The following CDH12 variants were observed in gnomAD, a reference collection of about 807,000 sequenced individuals.
CDH12 encodes the protein cadherin-12.
In CDH12, 41 loss-of-function variants were observed where a neutral mutation model predicts 74.1. That is an observed-to-expected ratio of 0.55 (90% CI 0.43 to 0.72). The LOEUF (loss-of-function observed/expected upper bound fraction) is 0.72. Among genes scored for constraint, CDH12 ranks in the 30% least tolerant of loss-of-function variants. CDH12 has a pLI of 0.00. For missense variants in CDH12, 945 were observed against 977.2 expected (o/e 0.97, Z 0.44); for synonymous variants, 399 against 355.0 (o/e 1.12, Z -1.39).
At chr5:22,632,704 G>A (rs1365568693) in intron 1 of CDH12, among the ~76,000 whole-genome samples, 5 of 152,048 alleles carry the variant, frequency 3.3e-5, no homozygotes, top group South Asian at 2.1e-4. Context: ...ACTAACAAAC[G>A]CATAATAGGA....
chr5:22,558,352 A>C (rs1675810420), intron 1 of CDH12, among the ~76,000 whole-genome samples: 1 of 152,148 alleles, frequency 6.6e-6, no homozygotes, highest in Non-Finnish European at 1.5e-5. Flanking sequence ...AAAAGGAAGA[A>C]GAGGTTGTTG....
At chr5:22,728,032 T>G (rs895017148) in intron 1 of CDH12, among the ~76,000 whole-genome samples, 1 of 151,820 alleles carries the variant, frequency 6.6e-6, no homozygotes, top group Non-Finnish European at 1.5e-5. Context: ...ACTTCACCAT[T>G]TGTTATCTTA....
At chr5:22,743,597 A>G (rs1745143888) in intron 1 of CDH12, among the ~76,000 whole-genome samples, 2 of 152,272 alleles carry the variant, frequency 1.3e-5, no homozygotes, top group African/African-American at 4.8e-5. Flanking sequence ...ACTAAAGGTC[A>G]TTATACATGA....
At chr5:22,805,248 A>G (rs1748722444) in intron 1 of CDH12, among the ~76,000 whole-genome samples, 1 of 152,122 alleles carries the variant, frequency 6.6e-6, no homozygotes, top group Admixed American at 6.5e-5. Flanking sequence ...AAATACTTAC[A>G]TACTTATGTA....
chr5:22,093,078 G>A (rs998329454), intron 4 of CDH12, among the ~76,000 whole-genome samples: 18 of 152,088 alleles, frequency 1.2e-4, no homozygotes, highest in African/African-American at 3.9e-4. Flanking sequence ...GGTTCAGAGA[G>A]GTGGTTTACA....
At chr5:22,187,811 T>C (rs529353349) in intron 4 of CDH12, among the ~76,000 whole-genome samples, 3 of 152,262 alleles carry the variant, frequency 2.0e-5, no homozygotes, top group East Asian at 1.9e-4. Flanking sequence ...CCCACTTGAA[T>C]TGGTAAGTTG....
intron 1 of CDH12, among the ~76,000 whole-genome samples, chr5:22,725,069 T>A (rs1035456894): frequency 2.0e-5 from 3 of 151,794 alleles, no homozygotes; most frequent in Non-Finnish European, 4.4e-5. Context: ...AACTTTCATG[T>A]TTATTTCTAT....
intron 3 of CDH12, among the ~76,000 whole-genome samples, chr5:22,318,457 T>C (rs2150435038): frequency 6.6e-6 from 1 of 152,344 alleles, no homozygotes; most frequent in East Asian, 1.9e-4. Context: ...TCATGTGAAA[T>C]GTGCAGGGGG....
At chr5:22,169,926 T>C (rs1334001430) in intron 4 of CDH12, among the ~76,000 whole-genome samples, 1 of 151,948 alleles carries the variant, frequency 6.6e-6, no homozygotes, top group Non-Finnish European at 1.5e-5. Context: ...TGTTAATATA[T>C]GTCTTCCATA....
At chr5:21,875,757 C>T (rs2150025025) in intron 6 of CDH12, among the ~76,000 whole-genome samples, 1 of 152,224 alleles carries the variant, frequency 6.6e-6, no homozygotes, top group Admixed American at 6.5e-5. Flanking sequence ...CTTGCTTTCC[C>T]CTGAGCCTAG....
At chr5:22,154,435 GAA>G (rs775832334) in intron 4 of CDH12, among the ~76,000 whole-genome samples, 138,364 of 145,474 alleles carry the variant, frequency 0.95, 66,734 homozygotes, top group Middle Eastern at 0.97. Flanking sequence ...CATATATAGT[GAA>G]TATATACACA....
rs1245936826 is a variant in CDH12, at chr5:22,750,940, A to G, written c.-523+102118T>C. ...GTGAAAAAAAAAAAAGGTAGGGGAT[A>G]GGAAGGTAGGGAGAGAAAAAATGAG... is the stretch of plus-strand genomic sequence containing the variant. On this transcript the variant is annotated intron_variant, in intron 1 of 14. Transcript: ENST00000382254. 2.0e-5 allele frequency among the ~76,000 whole-genome samples: 3 copies of G among 151,638 alleles called. No individual in the cohort carries two copies. In the East Asian group the frequency reaches 5.8e-4, roughly 29 times the overall value.
chr5:22,220,956 T>C (rs1419506696), intron 3 of CDH12, among the ~76,000 whole-genome samples: 1 of 151,574 alleles, frequency 6.6e-6, no homozygotes, highest in Non-Finnish European at 1.5e-5. Context: ...ATCTACTGTG[T>C]AGAGTTATGG....
intron 2 of CDH12, among the ~76,000 whole-genome samples, chr5:22,466,928 AC>A (rs1745755625): frequency 6.6e-6 from 1 of 151,702 alleles, no homozygotes; most frequent in Non-Finnish European, 1.5e-5. Context: ...AGCTGGGACT[AC>A]AGGCACGTGC....
chr5:22,208,511 C>T (rs1230827279), intron 4 of CDH12, among the ~76,000 whole-genome samples: 2 of 152,232 alleles, frequency 1.3e-5, no homozygotes, highest in Admixed American at 1.3e-4. Flanking sequence ...ATGATTTCCA[C>T]AGACTGTCCT....
chr5:22,637,357 C>A (rs1410535431), intron 1 of CDH12, among the ~76,000 whole-genome samples: 4 of 152,132 alleles, frequency 2.6e-5, no homozygotes, highest in African/African-American at 9.7e-5. Context: ...CATCTCCAGG[C>A]AATAGTAACT....
chr5:22,645,790 C>A (rs1038547171), intron 1 of CDH12, among the ~76,000 whole-genome samples: 1 of 151,968 alleles, frequency 6.6e-6, no homozygotes. Flanking sequence ...CATCCATCAA[C>A]AATGAGTCAA....
At chr5:22,130,371 G>A (rs1746116819) in intron 4 of CDH12, among the ~76,000 whole-genome samples, 1 of 152,106 alleles carries the variant, frequency 6.6e-6, no homozygotes, top group South Asian at 2.1e-4. Context: ...CAGTAAGGGG[G>A]TGATGGACAT....
intron 6 of CDH12, among the ~76,000 whole-genome samples, chr5:21,901,119 A>G (rs1005658006): frequency 1.3e-5 from 2 of 152,228 alleles, no homozygotes; most frequent in Non-Finnish European, 2.9e-5. Flanking sequence ...GTGAAGTGAT[A>G]CATTTTATAG....
Sources: allele counts gnomAD v4.1 joint callset (sites outside exome capture counted in the v4.1 genomes callset), GRCh38; gene constraint gnomAD v4.1.1; transcripts MANE v1.5; gene names NCBI Gene and HGNC (gene_info 2026-07-23, HGNC 2026-07-21).